The following MAGI2 variants were observed in gnomAD, a reference collection of about 807,000 sequenced individuals.
MAGI2 encodes membrane-associated guanylate kinase, WW and PDZ domain-containing protein 2.
In MAGI2, 35 loss-of-function variants were observed where a neutral mutation model predicts 133.3. That is an observed-to-expected ratio of 0.26 (90% CI 0.20 to 0.35). The LOEUF (loss-of-function observed/expected upper bound fraction) is 0.35. MAGI2 is among the 10% of genes least tolerant of loss of function. The pLI, the probability that MAGI2 is intolerant of heterozygous loss-of-function variation, is 1.00. For missense variants in MAGI2, 1,636 were observed against 1,863.4 expected (o/e 0.88, Z 2.25); for synonymous variants, 729 against 710.6 (o/e 1.03, Z -0.41).
chr7:79,213,745 A>G (rs1829718515), intron 1 of MAGI2, among the ~76,000 whole-genome samples: 1 of 152,074 alleles, frequency 6.6e-6, no homozygotes, highest in Non-Finnish European at 1.5e-5. Flanking sequence ...TAACATTGCT[A>G]TCACACACAA....
intron 4 of MAGI2, among the ~76,000 whole-genome samples, chr7:78,512,648 C>G (rs578023270): frequency 5.8e-4 from 89 of 152,302 alleles, no homozygotes; most frequent in Middle Eastern, 3.4e-3. Flanking sequence ...TTGTGATCCA[C>G]CTGCCTCGGC....
chr7:78,124,455 T>C (rs1269004997), intron 20 of MAGI2, among the ~76,000 whole-genome samples: 1 of 152,208 alleles, frequency 6.6e-6, no homozygotes, highest in Non-Finnish European at 1.5e-5. Flanking sequence ...ATGATGTGCA[T>C]GCCTTCTGCT....
chr7:79,028,840 G>A (rs1437257599), intron 1 of MAGI2, among the ~76,000 whole-genome samples: 4 of 152,054 alleles, frequency 2.6e-5, no homozygotes, highest in Admixed American at 2.6e-4. Context: ...ATAAGCTATT[G>A]TCTTGGTAAT....
At chr7:79,368,091 G>A (rs558922780) in intron 1 of MAGI2, among the ~76,000 whole-genome samples, 33 of 151,826 alleles carry the variant, frequency 2.2e-4, no homozygotes, top group Non-Finnish European at 4.6e-4. Flanking sequence ...GATGAGACAC[G>A]GCCCTTATAA....
At chr7:78,494,026 G>C (rs747035363) in intron 5 of MAGI2, among the ~76,000 whole-genome samples, 1 of 151,882 alleles carries the variant, frequency 6.6e-6, no homozygotes, top group African/African-American at 2.4e-5. Flanking sequence ...GCCCAGGCAG[G>C]AGTGCAATGG....
At chr7:79,028,269 GTATGTA>G (rs1562805339) in intron 1 of MAGI2, among the ~76,000 whole-genome samples, 11 of 21,354 alleles carry the variant, frequency 5.2e-4, no homozygotes, top group African/African-American at 1.6e-3. Flanking sequence ...ATATATATAT[GTATGTA>G]TGTATATATA....
chr7:78,555,263 T>G (rs990986129), intron 3 of MAGI2, among the ~76,000 whole-genome samples: 2 of 151,900 alleles, frequency 1.3e-5, no homozygotes, highest in Non-Finnish European at 2.9e-5. Context: ...TAACTACTTC[T>G]TGGGACTTTG....
intron 20 of MAGI2, among the ~76,000 whole-genome samples, chr7:78,113,399 G>A (rs528071647): frequency 3.3e-5 from 5 of 152,236 alleles, no homozygotes; most frequent in South Asian, 2.1e-4. Context: ...GATGCTCTCC[G>A]TACCTCTGTG....
chr7:78,938,993 C>T (rs117370643), intron 2 of MAGI2, among the ~76,000 whole-genome samples: 1,664 of 152,080 alleles, frequency 0.011, 20 homozygotes, highest in African/African-American at 0.03. Context: ...CACATATAAT[C>T]GTTATTTTAT....
intron 9 of MAGI2, among the ~76,000 whole-genome samples, chr7:78,315,967 CT>C (rs1221090115): frequency 1.3e-5 from 2 of 152,064 alleles, no homozygotes; most frequent in Non-Finnish European, 2.9e-5. Flanking sequence ...TCCTTTAAAC[CT>C]TTTCATGATG....
intron 1 of MAGI2, among the ~76,000 whole-genome samples, chr7:79,138,587 A>G (rs906993950): frequency 1.3e-5 from 2 of 152,202 alleles, no homozygotes; most frequent in Non-Finnish European, 2.9e-5. Flanking sequence ...CCTAAAATTC[A>G]CAGGTTGAAG....
intron 1 of MAGI2, among the ~76,000 whole-genome samples, chr7:79,346,278 A>G (rs796522174): frequency 1.3e-5 from 2 of 152,050 alleles, no homozygotes; most frequent in Non-Finnish European, 1.5e-5. Flanking sequence ...CTTCCCAACT[A>G]TCCTTGCAAA....
chr7:78,228,628 T>G (rs1029076176), intron 10 of MAGI2, among the ~76,000 whole-genome samples: 18 of 152,228 alleles, frequency 1.2e-4, no homozygotes, highest in African/African-American at 4.1e-4. Flanking sequence ...AACTCAGGGT[T>G]TCCGAGTGTT....
intron 1 of MAGI2, among the ~76,000 whole-genome samples, chr7:79,214,401 CTCTCTCTATATA>C (rs1227235855): frequency 3.8e-3 from 214 of 55,980 alleles, no homozygotes; most frequent in Middle Eastern, 0.011. Context: ...CTCTCTCTCT[CTCTCTCTATATA>C]TATATATATA....
intron 6 of MAGI2, among the ~76,000 whole-genome samples, chr7:78,370,273 A>G (rs763489435): frequency 5.9e-5 from 9 of 152,070 alleles, no homozygotes; most frequent in Non-Finnish European, 1.2e-4. Flanking sequence ...TACAGTGCAT[A>G]TTACTTTTAT....
At chr7:78,837,901 A>C (rs2065198) in intron 2 of MAGI2, among the ~76,000 whole-genome samples, 68,824 of 151,918 alleles carry the variant, frequency 0.45, 15,950 homozygotes, top group East Asian at 0.73. Context: ...TTTTGGAAAC[A>C]TCACCTAGAT....
intron 9 of MAGI2, among the ~76,000 whole-genome samples, chr7:78,329,616 C>T (rs1788965425): frequency 6.6e-6 from 1 of 152,222 alleles, no homozygotes; most frequent in South Asian, 2.1e-4. Flanking sequence ...TTTCTTCATG[C>T]ATACTCCAAC....
chr7:78,464,386 T>C (rs916039312), intron 6 of MAGI2, among the ~76,000 whole-genome samples: 3 of 152,174 alleles, frequency 2.0e-5, no homozygotes, highest in Non-Finnish European at 4.4e-5. Context: ...GCATGTATCA[T>C]TACTGATGAC....
intron 3 of MAGI2, among the ~76,000 whole-genome samples, chr7:78,563,966 A>G (rs1800668019): frequency 6.6e-6 from 1 of 152,228 alleles, no homozygotes; most frequent in Non-Finnish European, 1.5e-5. Flanking sequence ...GGATTAGATC[A>G]AAGTCATATT....
Sources: allele counts gnomAD v4.1 joint callset (sites outside exome capture counted in the v4.1 genomes callset), GRCh38; gene constraint gnomAD v4.1.1; transcripts MANE v1.5; gene names NCBI Gene and HGNC (gene_info 2026-07-23, HGNC 2026-07-21).